Variants in NEK7 observed in about 807,000 individuals in gnomAD.
The protein encoded by NEK7 is serine/threonine-protein kinase Nek7.
In NEK7, 18 loss-of-function variants were observed where a neutral mutation model predicts 44.6. That is an observed-to-expected ratio of 0.40 (90% CI 0.28 to 0.60). The LOEUF is 0.60. Among genes scored for constraint, NEK7 ranks in the 20% least tolerant of loss-of-function variants. The pLI, the probability that NEK7 is intolerant of heterozygous loss-of-function variation, is 0.38. For synonymous variants in NEK7, 130 were observed against 121.1 expected (o/e 1.07, Z -0.48); for missense variants, 256 against 366.5 (o/e 0.70, Z 2.46).
chr1:198,185,202 T>G (rs1664883219), intron 1 of NEK7, among the ~76,000 whole-genome samples: 1 of 149,728 alleles, frequency 6.7e-6, no homozygotes. Context: ...TTTTTTTTTT[T>G]TTTTTTTTTT....
intron 9 of NEK7, among the ~76,000 whole-genome samples, chr1:198,309,528 T>C (rs1285705296): frequency 2.0e-5 from 3 of 152,164 alleles, no homozygotes; most frequent in Non-Finnish European, 2.9e-5. Context: ...ACATGTGCCA[T>C]GCTGCTGCGC....
intron 9 of NEK7, among the ~76,000 whole-genome samples, chr1:198,297,576 G>A (rs1403574281): frequency 1.3e-5 from 2 of 152,138 alleles, no homozygotes; most frequent in Non-Finnish European, 2.9e-5. Context: ...ATGTCTGATG[G>A]CCCTTCCTAA....
intron 8 of NEK7, among the ~76,000 whole-genome samples, chr1:198,294,458 A>G (rs548052855): frequency 6.6e-6 from 1 of 152,204 alleles, no homozygotes; most frequent in South Asian, 2.1e-4. Context: ...GCCATAGTCT[A>G]ATATTATCAA....
At chr1:198,305,155 T>G (rs545561762) in intron 9 of NEK7, among the ~76,000 whole-genome samples, 1 of 152,166 alleles carries the variant, frequency 6.6e-6, no homozygotes, top group African/African-American at 2.4e-5. Flanking sequence ...CTACGGATAT[T>G]GGAATTATTT....
chr1:198,297,047 A>AC, intron 8 of NEK7, 80 bp from the exon 9 acceptor site: 1 of 847,350 alleles, frequency 1.2e-6, no homozygotes, highest in Non-Finnish European at 1.9e-6. Flanking sequence ...ATTATTTTCT[A>AC]CCCCCGTATA....
In NEK7 at chr1:198,257,649, A is replaced by G. The variant is rs117145135; in HGVS notation, c.198+4469A>G. ...AATAAATGAAAACTAAGCATTTGTA[A>G]GAATAATTCATAAATGACATTTAAA... On this transcript the variant is annotated intron_variant, in intron 3 of 9. Transcript: ENST00000367385. Among the ~76,000 whole-genome samples, 5 of 152,352 alleles carry G rather than the reference A, an allele frequency of 3.3e-5. No homozygotes were observed. The East Asian group carries it at 7.7e-4, about 23-fold the overall frequency.
intron 7 of NEK7, among the ~76,000 whole-genome samples, chr1:198,281,686 C>A (rs554652265): frequency 1.3e-5 from 2 of 152,112 alleles, no homozygotes; most frequent in African/African-American, 4.8e-5. Flanking sequence ...AATCAAGATA[C>A]GATTTTAACT....
chr1:198,163,127 T>C (rs1416801978), intron 1 of NEK7, among the ~76,000 whole-genome samples: 1 of 152,130 alleles, frequency 6.6e-6, no homozygotes, highest in Non-Finnish European at 1.5e-5. Flanking sequence ...TTATGAAAAA[T>C]TGTTATACTT....
intron 1 of NEK7, among the ~76,000 whole-genome samples, chr1:198,171,216 A>C (rs1202310968): frequency 6.6e-6 from 1 of 152,204 alleles, no homozygotes; most frequent in Non-Finnish European, 1.5e-5. Flanking sequence ...AACCCTCTGT[A>C]ATGTCTTCTT....
At chr1:198,275,290 A>G (rs1653979909) in intron 5 of NEK7, among the ~76,000 whole-genome samples, 1 of 151,404 alleles carries the variant, frequency 6.6e-6, no homozygotes, top group East Asian at 1.9e-4. Context: ...ATTTTCAGAT[A>G]CTTTATTTTC....
At chr1:198,177,466 A>G (rs1007154937) in intron 1 of NEK7, among the ~76,000 whole-genome samples, 1 of 152,160 alleles carries the variant, frequency 6.6e-6, no homozygotes, top group African/African-American at 2.4e-5. Flanking sequence ...TTCAACGTTC[A>G]GAGACAATGT....
intron 1 of NEK7, among the ~76,000 whole-genome samples, chr1:198,172,883 A>G (rs1055511256): frequency 3.9e-5 from 6 of 152,216 alleles, no homozygotes; most frequent in African/African-American, 1.4e-4. Context: ...TATTGATCAT[A>G]ACTAAGTTAA....
chr1:198,179,404 T>A (rs1033660100), intron 1 of NEK7, among the ~76,000 whole-genome samples: 2 of 152,138 alleles, frequency 1.3e-5, no homozygotes, highest in African/African-American at 4.8e-5. Context: ...TTTATTTTTT[T>A]ATCCAGTAAG....
chr1:198,313,149 A>T (rs1384814913), intron 9 of NEK7, among the ~76,000 whole-genome samples: 1 of 152,162 alleles, frequency 6.6e-6, no homozygotes, highest in East Asian at 1.9e-4. Flanking sequence ...TATATTTGGA[A>T]TAGTTAGCTC....
intron 2 of NEK7, among the ~76,000 whole-genome samples, chr1:198,235,007 A>G (rs544964847): frequency 5.3e-5 from 8 of 152,272 alleles, no homozygotes; most frequent in African/African-American, 1.9e-4. Context: ...CTCAGCTTTG[A>G]CAACCTTTTT....
intron 1 of NEK7, among the ~76,000 whole-genome samples, chr1:198,180,124 A>G (rs1471022772): frequency 6.6e-6 from 1 of 152,038 alleles, no homozygotes; most frequent in Non-Finnish European, 1.5e-5. Context: ...GTACATATAA[A>G]CATAAAATTT....
chr1:198,262,930 C>A (rs958618558), intron 4 of NEK7, among the ~76,000 whole-genome samples: 7 of 151,584 alleles, frequency 4.6e-5, no homozygotes, highest in Non-Finnish European at 7.4e-5. Context: ...ACCACCCCAA[C>A]AAGACATATT....
At chr1:198,200,846 A>AGG (rs985398770) in intron 1 of NEK7, among the ~76,000 whole-genome samples, 2 of 152,170 alleles carry the variant, frequency 1.3e-5, no homozygotes, top group African/African-American at 4.8e-5. Context: ...CCACTGTGCC[A>AGG]GGCCCTTTGG....
intron 9 of NEK7, among the ~76,000 whole-genome samples, chr1:198,299,647 G>A (rs1354615787): frequency 6.6e-6 from 1 of 152,052 alleles, no homozygotes; most frequent in Non-Finnish European, 1.5e-5. Context: ...CAACTTATCA[G>A]GTATGTATTT....
Sources: gnomAD v4.1 joint callset for allele counts (sites outside exome capture counted in the v4.1 genomes callset) on GRCh38, gnomAD v4.1.1 for gene constraint, MANE v1.5 for transcripts, NCBI Gene and HGNC (gene_info 2026-07-23, HGNC 2026-07-21) for gene names.